RNF216: variants seen among roughly 807,000 people sequenced by gnomAD.
RNF216 encodes ring finger protein 216.
In RNF216, 72 loss-of-function variants were observed where a neutral mutation model predicts 110.8. That is an observed-to-expected ratio of 0.65 (90% CI 0.54 to 0.79). The LOEUF is 0.79. Among genes scored for constraint, RNF216 ranks in the 30% least tolerant of loss-of-function variants. The pLI is 0.00. For missense variants in RNF216, 1,342 were observed against 1,141.2 expected, an observed-to-expected ratio of 1.18 and a Z score of -2.54; for synonymous variants, 495 against 407.5, an observed-to-expected ratio of 1.21 and a Z score of -2.59.
In RNF216 at chr7:5,715,174, T is replaced by G. The variant is rs1447976872; in HGVS notation, c.1712A>C (p.Glu571Ala). 1.2e-6 allele frequency: 2 copies of G among 1,613,154 alleles called. No individual in the cohort carries two copies. Among genetic ancestry groups the G allele is most frequent in the African/African-American group, 2.7e-5 (2 of 74,916 alleles). The change falls in exon 11 of 17, where the codon GAG (glutamate) becomes GCG (alanine). Residue 571 changes from glutamate to alanine, a missense_variant. By Grantham distance (107) the Glu-to-Ala change is moderately radical. Transcript: ENST00000389902. Reference sequence around the variant, plus strand: ...AAATTCCCCATAGCAGCAGCGACACTCAATCAGCTGGCCATCCTGCAGGCA... The same window carrying G: ...AAATTCCCCATAGCAGCAGCGACACGCAATCAGCTGGCCATCCTGCAGGCA... ...EQYQKDGQLI[E>A]CRCCYGEFPF...
At position 5,624,980 on chromosome 7, in the gene RNF216, C is replaced by T. The variant is rs917899530; in HGVS notation, c.2383-855G>A. ...GCTTCATGAGTGGCGCTTACCTTAA[C>T]CCCCCTCCTCAGTGACCCACAAAAC... On this transcript the variant is annotated intron_variant, in intron 15 of 16. Transcript: ENST00000389902. This position sits in a 1 kb window ranked among gnomAD's most constrained non-coding sequence, Gnocchi z 4.4. 6.8e-6 allele frequency among the ~76,000 whole-genome samples: 1 copy of T among 146,802 alleles called. No homozygotes were observed. Among genetic ancestry groups the T allele is most frequent in the Non-Finnish European group, 1.6e-5 (1 of 64,180 alleles).
chr7:5,710,024 G>C (rs1792567298), intron 13 of RNF216, among the ~76,000 whole-genome samples: 1 of 152,210 alleles, frequency 6.6e-6, no homozygotes, highest in South Asian at 2.1e-4. Flanking sequence ...AAAGTGCTGG[G>C]ATTACAGGCA....
intron 15 of RNF216, among the ~76,000 whole-genome samples, chr7:5,634,378 T>C (rs962662317): frequency 3.3e-5 from 5 of 152,240 alleles, no homozygotes; most frequent in African/African-American, 4.8e-5. Context: ...AATGATTTCA[T>C]GAGAGGCTTC....
chr7:5,738,858 C>A (rs552410862), intron 5 of RNF216, among the ~76,000 whole-genome samples: 2 of 152,232 alleles, frequency 1.3e-5, no homozygotes, highest in African/African-American at 4.8e-5. Flanking sequence ...ACTCAGTTAT[C>A]ATAATTCTAT....
Position 5,739,280 on chromosome 7 carries a change from T to A in RNF216, c.1117A>T (p.Asn373Tyr). 1.9e-6 allele frequency: 3 copies of A among 1,587,840 alleles called. No homozygotes were observed. The highest frequency in any genetic ancestry group is 2.6e-6 in the Non-Finnish European group (3 of 1,171,880). The change falls in exon 5 of 17, where the codon AAT (asparagine) becomes TAT (tyrosine). Residue 373 changes from asparagine to tyrosine, a missense_variant. Transcript: ENST00000389902. ...AAAGCATGGTAGTATACTTACACAT[T>A]CAGATCATAATAATTCTTAAAATGA... is the stretch of plus-strand genomic sequence containing the variant. ...IIHFKNYYDL[N>Y]VLCNFLLENP...
At chr7:5,720,482 T>C (rs1255632450) in intron 9 of RNF216, among the ~76,000 whole-genome samples, 1 of 152,176 alleles carries the variant, frequency 6.6e-6, no homozygotes, top group Non-Finnish European at 1.5e-5. Flanking sequence ...CTGTCAACGG[T>C]AGGCTGTTCA....
intron 2 of RNF216, among the ~76,000 whole-genome samples, chr7:5,755,057 G>C (rs1324001642): frequency 6.7e-6 from 1 of 149,718 alleles, no homozygotes; most frequent in Non-Finnish European, 1.5e-5. Context: ...AAACAAGGGA[G>C]GGAGGGAGGG....
In RNF216 at chr7:5,725,297, C is replaced by G. The variant is rs373854509; in HGVS notation, c.1504+27G>C. The G allele has an allele frequency of 4.9e-5, 63 of 1,294,128 alleles. No individual in the cohort carries two copies. The African/African-American group carries it at 9.2e-4, about 19-fold the overall frequency. The allele number at this position is 1,294,128 out of a possible 1,614,324, so 80.2% of individuals were successfully genotyped here. ...GAAAAGGTACAGTGTTGCAGCTACA[C>G]ACTGCCACCAACACAGTTTGCATTA... is the stretch of plus-strand genomic sequence containing the variant. On this transcript the variant is annotated intron_variant, in intron 8 of 16. Coordinates refer to ENST00000389902, the MANE Select transcript of RNF216 (RefSeq NM_207111.4).
chr7:5,649,544 A>G (rs1183654041), intron 14 of RNF216: 1 of 151,932 alleles, frequency 6.6e-6, no homozygotes, highest in East Asian at 1.9e-4. Context: ...ATCTGGCAGG[A>G]TTCTGTTGCT....
chr7:5,629,263 G>C (rs1176999369), intron 15 of RNF216, among the ~76,000 whole-genome samples: 1 of 150,932 alleles, frequency 6.6e-6, no homozygotes, highest in Admixed American at 6.6e-5. Context: ...GATCGCTTGA[G>C]GCCAGGATTT....
At chr7:5,670,503 G>A (rs1049011232) in intron 13 of RNF216, among the ~76,000 whole-genome samples, 4 of 152,066 alleles carry the variant, frequency 2.6e-5, no homozygotes, top group African/African-American at 9.7e-5. Flanking sequence ...TAAATTTTTG[G>A]TACAGTTAAT....
rs536788537 is a variant in RNF216 at position 5,680,745 on chromosome 7, A to G, written c.2062-28235T>C. On this transcript the variant is annotated intron_variant, in intron 13 of 16. Coordinates refer to ENST00000389902, the MANE Select transcript of RNF216 (RefSeq NM_207111.4). The surrounding 1 kb of genome is among the most constrained non-coding windows in gnomAD (Gnocchi z 4.3). ...ATATCTAAAAGGCACCCCAGACAAAAGATGTCTGAAGCACCACTTCTGGCC... is the reference window on the plus strand; with the variant it reads ...ATATCTAAAAGGCACCCCAGACAAAGGATGTCTGAAGCACCACTTCTGGCC... 6.6e-6 allele frequency among the ~76,000 whole-genome samples: 1 copy of G among 152,238 alleles called. No homozygotes were observed. The highest frequency in any genetic ancestry group is 2.4e-5 in the African/African-American group (1 of 41,534).
At chr7:5,737,345 C>G (rs1215827133) in intron 5 of RNF216, among the ~76,000 whole-genome samples, 1 of 152,034 alleles carries the variant, frequency 6.6e-6, no homozygotes, top group Non-Finnish European at 1.5e-5. Flanking sequence ...AGAGTCATCA[C>G]CACTCCCTAA....
chr7:5,735,920 C>T (rs1333302687), intron 5 of RNF216, among the ~76,000 whole-genome samples: 1 of 152,144 alleles, frequency 6.6e-6, no homozygotes, highest in Non-Finnish European at 1.5e-5. Context: ...CATAGGGAAA[C>T]TGTCTCTACT....
intron 8 of RNF216, among the ~76,000 whole-genome samples, 164 bp downstream of exon 8, chr7:5,725,160 T>C (rs2128639287): frequency 6.6e-6 from 1 of 152,334 alleles, no homozygotes; most frequent in East Asian, 1.9e-4. Context: ...AGCCACTTCC[T>C]AAAAATTTTG....
At chr7:5,700,451 T>C (rs1051706719) in intron 13 of RNF216, among the ~76,000 whole-genome samples, 1 of 152,160 alleles carries the variant, frequency 6.6e-6, no homozygotes, top group Non-Finnish European at 1.5e-5. Context: ...ATCTCTCCCT[T>C]GATGAGGCCA....
chr7:5,637,390 G>C (rs994460552), intron 15 of RNF216, among the ~76,000 whole-genome samples: 1 of 152,204 alleles, frequency 6.6e-6, no homozygotes, highest in African/African-American at 2.4e-5. Context: ...TGGGTCATAA[G>C]CTTTGTAATC....
At chr7:5,684,222 C>T (rs550032022) in intron 13 of RNF216, among the ~76,000 whole-genome samples, 8 of 151,628 alleles carry the variant, frequency 5.3e-5, no homozygotes, top group Non-Finnish European at 1.2e-4. Flanking sequence ...CCCACCTCAG[C>T]CTCCGGAGTA....
chr7:5,734,308 T>C (rs1248183142), intron 5 of RNF216, among the ~76,000 whole-genome samples: 1 of 152,186 alleles, frequency 6.6e-6, no homozygotes, highest in African/African-American at 2.4e-5. Flanking sequence ...CCTACATGAA[T>C]AAACTTAACA....
Sources: allele counts gnomAD v4.1 joint callset (sites outside exome capture counted in the v4.1 genomes callset), GRCh38; gene constraint gnomAD v4.1.1; non-coding constraint Gnocchi (gnomAD v3.1); transcripts MANE v1.5; gene names NCBI Gene and HGNC (gene_info 2026-07-23, HGNC 2026-07-21).